The following IMPG1 variants were observed in gnomAD, a reference collection of about 807,000 sequenced individuals.
The protein encoded by IMPG1 is interphotoreceptor matrix proteoglycan 1.
IMPG1 carries 85 observed loss-of-function variants against 92.0 expected under a neutral mutation model. That is an observed-to-expected ratio of 0.92 (90% CI 0.78 to 1.11). The LOEUF is 1.11. Among genes scored for constraint, IMPG1 ranks in the 50% least tolerant of loss-of-function variants. The pLI, the probability that IMPG1 is intolerant of heterozygous loss-of-function variation, is 0.00. For missense variants in IMPG1, 1,022 were observed against 956.0 expected (o/e 1.07, Z -0.91); for synonymous variants, 367 against 334.1 (o/e 1.10, Z -1.08).
intron 15 of IMPG1, among the ~76,000 whole-genome samples, chr6:75,924,924 T>G (rs976992690): frequency 6.7e-6 from 1 of 149,206 alleles, no homozygotes; most frequent in Non-Finnish European, 1.5e-5. Flanking sequence ...AAAAAGCTGA[T>G]CTTATAGAAA....
chr6:76,014,387 GA>G (rs1244760985), intron 7 of IMPG1, among the ~76,000 whole-genome samples: 1 of 152,202 alleles, frequency 6.6e-6, no homozygotes, highest in Non-Finnish European at 1.5e-5. Flanking sequence ...GTCAGGGGCA[GA>G]AGGCCTGGGG....
At chr6:75,959,271 C>T (rs1047720005) in intron 12 of IMPG1, among the ~76,000 whole-genome samples, 47 of 152,176 alleles carry the variant, frequency 3.1e-4, no homozygotes, top group African/African-American at 1.1e-3. Flanking sequence ...TTCCAGATGC[C>T]AGCCAGAGCT....
At position 75,958,603 on chromosome 6, in the gene IMPG1, T is replaced by C. The variant is rs569171692; in HGVS notation, c.1292-7509A>G. Among the ~76,000 whole-genome samples, 102 of 152,228 alleles carry C rather than the reference T, an allele frequency of 6.7e-4. 1 individual carries two copies. Among genetic ancestry groups the C allele is most frequent in the African/African-American group, 2.3e-3 (95 of 41,530 alleles). ...TTGTTTGTTCCTTTTCATTTTTTTT[T>C]CTCTAATCTTTTATTCATTGAGTTG... is the stretch of plus-strand genomic sequence containing the variant. On this transcript the variant is annotated intron_variant, in intron 12 of 16. Coordinates refer to ENST00000369950, the MANE Select transcript of IMPG1 (RefSeq NM_001563.4).
intron 12 of IMPG1, among the ~76,000 whole-genome samples, chr6:76,001,446 T>C (rs924330480): frequency 6.6e-6 from 1 of 152,218 alleles, no homozygotes; most frequent in African/African-American, 2.4e-5. Flanking sequence ...CTATGTCCCC[T>C]CCCTTTGAAT....
At chr6:76,057,969 AAAAATAAAAT>A (rs142036504) in intron 1 of IMPG1, among the ~76,000 whole-genome samples, 4 of 150,658 alleles carry the variant, frequency 2.7e-5, no homozygotes, top group Non-Finnish European at 4.4e-5. Context: ...GTGCTTCAGT[AAAAATAAAAT>A]AAAATAAAAT....
At chr6:75,932,761 C>T (rs1487370024) in intron 14 of IMPG1, among the ~76,000 whole-genome samples, 2 of 151,854 alleles carry the variant, frequency 1.3e-5, no homozygotes, top group Admixed American at 6.6e-5. Flanking sequence ...AGTGCAGTGG[C>T]GCCATCTCAA....
chr6:76,066,051 A>G (rs924075141), intron 1 of IMPG1, among the ~76,000 whole-genome samples: 3 of 152,126 alleles, frequency 2.0e-5, no homozygotes, highest in African/African-American at 7.2e-5. Context: ...CCTCTAGACC[A>G]CCCCTATGAG....
chr6:75,929,858 C>G (rs1215507940), intron 15 of IMPG1, among the ~76,000 whole-genome samples: 3 of 151,782 alleles, frequency 2.0e-5, no homozygotes, highest in Non-Finnish European at 4.4e-5. Context: ...ATTCTTTTCA[C>G]GTGGATATCT....
rs760577375 is a variant in IMPG1, at chr6:76,002,909, G to T, written c.1291+9C>A. On this transcript the variant is annotated intron_variant, in intron 12 of 16. Coordinates refer to ENST00000369950, the MANE Select transcript of IMPG1 (RefSeq NM_001563.4). The stretch of plus-strand genomic sequence containing the variant: ...TCATCTAACATAGACTTTGTGAGGG[G>T]AAACTTACCAGGTAGACCATGCTCT... 1 of 1,607,196 alleles carries T rather than the reference G, an allele frequency of 6.2e-7. No homozygotes were observed. The highest frequency in any genetic ancestry group is 8.5e-7 in the Non-Finnish European group (1 of 1,173,856).
intron 5 of IMPG1, 135 bp from the exon 6 acceptor site, chr6:76,022,354 T>C (rs1582110742): frequency 2.2e-6 from 1 of 455,448 alleles, no homozygotes; most frequent in Non-Finnish European, 4.2e-6. Context: ...ACTCATCTTT[T>C]TAAGATCACG....
At position 75,973,141 on chromosome 6, in the gene IMPG1, C is replaced by T. The variant is rs553327827; in HGVS notation, c.1292-22047G>A. Among the ~76,000 whole-genome samples the T allele has an allele frequency of 2.8e-4, 42 of 151,824 alleles. No homozygotes were observed. In the South Asian group the frequency reaches 8.7e-3, roughly 31 times the overall value. Reference sequence around the variant, plus strand: ...TACGGGGACATACTATCATGCCTGGCTAATTTTAAAATTATTTTTGTAAAG... The same window carrying T: ...TACGGGGACATACTATCATGCCTGGTTAATTTTAAAATTATTTTTGTAAAG... On this transcript the variant is annotated intron_variant, in intron 12 of 16. Transcript: ENST00000369950.
intron 7 of IMPG1, 101 bp from the exon 8 acceptor site, chr6:76,011,325 C>A: frequency 1.9e-6 from 1 of 521,968 alleles, no homozygotes; most frequent in Non-Finnish European, 3.5e-6. Flanking sequence ...AGGGGAACAG[C>A]TGAAAATGGA....
At chr6:76,011,696 T>C (rs1439205045) in intron 7 of IMPG1, among the ~76,000 whole-genome samples, 3 of 151,070 alleles carry the variant, frequency 2.0e-5, no homozygotes, top group Admixed American at 2.0e-4. Flanking sequence ...TAACTCGTCA[T>C]CTAGCATTAG....
chr6:76,040,715 T>C (rs1419877371), intron 2 of IMPG1, among the ~76,000 whole-genome samples: 3 of 152,250 alleles, frequency 2.0e-5, no homozygotes, highest in African/African-American at 7.2e-5. Flanking sequence ...ATCTTTTTAC[T>C]TCCACAGAAA....
chr6:76,041,744 T>G, intron 2 of IMPG1, 149 bp downstream of exon 2: 1 of 626,250 alleles, frequency 1.6e-6, no homozygotes. Flanking sequence ...TTATTATTCA[T>G]TACTATCAGA....
In IMPG1 at chr6:76,070,370, A is replaced by T. The variant is rs145532391; in HGVS notation, c.67+2052T>A. On this transcript the variant is annotated intron_variant, in intron 1 of 16. Transcript: ENST00000369950. ...AAATGCTTATGCACTGTTGGCAGAA[A>T]TGGAAATTAGTACGACCTCTATGGA... Among the ~76,000 whole-genome samples the T allele has an allele frequency of 8.9e-4, 136 of 152,282 alleles. 2 individuals are homozygous for T. The East Asian group carries it at 0.025, about 28-fold the overall frequency.
chr6:75,939,357 C>A (rs542200877), intron 14 of IMPG1, among the ~76,000 whole-genome samples: 8 of 152,114 alleles, frequency 5.3e-5, no homozygotes, highest in Non-Finnish European at 5.9e-5. Flanking sequence ...TGCTCCCCCC[C>A]ACCCCACAAC....
Position 76,072,503 on chromosome 6 carries a change from A to G in IMPG1, c.-15T>C. ...TCCAAATACATTCTGGCTTTTGTGC[A>G]TTGGTAATTCTGATAACAATCACAG... On this transcript the variant is annotated 5_prime_UTR_variant, in exon 1 of 17. The change abolishes an upstream ATG in the 5' untranslated region. Transcript: ENST00000369950. 1 of 1,535,958 alleles carries G rather than the reference A, an allele frequency of 6.5e-7. No homozygotes were observed. Among genetic ancestry groups the G allele is most frequent in the Non-Finnish European group, 8.9e-7 (1 of 1,119,566 alleles).
intron 8 of IMPG1, among the ~76,000 whole-genome samples, 195 bp from the exon 9 acceptor site, chr6:76,007,695 T>C (rs996513046): frequency 1.3e-5 from 2 of 152,204 alleles, no homozygotes; most frequent in East Asian, 1.9e-4. Context: ...GAGAGAGATA[T>C]GAATCTAAGA....
Sources: allele counts gnomAD v4.1 joint callset (sites outside exome capture counted in the v4.1 genomes callset), GRCh38; gene constraint gnomAD v4.1.1; transcripts MANE v1.5; gene names NCBI Gene and HGNC (gene_info 2026-07-23, HGNC 2026-07-21).